The following RFX2 variants were observed in gnomAD, a reference collection of about 807,000 sequenced individuals.
RFX2 encodes the protein DNA-binding protein RFX2.
Under a neutral mutation model 87.8 loss-of-function variants are expected in RFX2, and 20 were observed. The observed-to-expected ratio is 0.23, with a 90% CI of 0.16 to 0.33. The LOEUF (loss-of-function observed/expected upper bound fraction) is 0.33, where lower values mean the gene tolerates loss of function less well. Ranked by LOEUF, RFX2 falls within the 10% of genes least tolerant of loss-of-function variation. The pLI is 1.00. For missense variants in RFX2, 767 were observed against 1,012.3 expected, an observed-to-expected ratio of 0.76 and a Z score of 3.29; for synonymous variants, 397 against 431.3, an observed-to-expected ratio of 0.92 and a Z score of 0.98.
In RFX2 at chr19:6,023,640, A is replaced by G. The variant is rs2086849504; in HGVS notation, c.597+2523T>C. Among the ~76,000 whole-genome samples, 2 of 152,208 alleles carry G rather than the reference A, an allele frequency of 1.3e-5. No homozygotes were observed. The highest frequency in any genetic ancestry group is 4.1e-4 in the South Asian group (2 of 4,834). On this transcript the variant is annotated intron_variant, in intron 6 of 17. Coordinates refer to ENST00000303657, the MANE Select transcript of RFX2 (RefSeq NM_000635.4). This position sits in a 1 kb window ranked among gnomAD's most constrained non-coding sequence, Gnocchi z 4.9. ...ATCATCAGTGAGTAAAAGAAACGAG[A>G]GATTTTACCTTCAGCTCGGGAATAC...
At chr19:6,096,622 A>G (rs1245192389) in intron 1 of RFX2, among the ~76,000 whole-genome samples, 1 of 151,918 alleles carries the variant, frequency 6.6e-6, no homozygotes, top group Admixed American at 6.6e-5. Context: ...AATTTTTTAT[A>G]TTTTTAGTAG....
rs2086606886 is a variant in RFX2 at position 6,008,000 on chromosome 19, G to A, written c.1134+106C>T. 4 of 884,812 alleles carry A rather than the reference G, an allele frequency of 4.5e-6. No homozygotes were observed. The highest frequency in any genetic ancestry group is 4.0e-5 in the Admixed American group (2 of 49,678). 54.8% of individuals were successfully genotyped at this position (884,812 alleles called of 1,614,324 possible). The stretch of plus-strand genomic sequence containing the variant: ...CTTCAGAGAGGATGCTTGTTGGGGG[G>A]CTCGGGGCTCCAGCTCCTCAGCGTC... On this transcript the variant is annotated intron_variant, in intron 10 of 17. Transcript: ENST00000303657. This position sits in a 1 kb window ranked among gnomAD's most constrained non-coding sequence, Gnocchi z 8.2.
At chr19:6,069,760 A>G (rs1397147913) in intron 1 of RFX2, among the ~76,000 whole-genome samples, 1 of 152,212 alleles carries the variant, frequency 6.6e-6, no homozygotes, top group East Asian at 1.9e-4. Flanking sequence ...CAGAGGTTGG[A>G]GCAGGTTCAA....
chr19:6,069,591 G>A (rs1381181442), intron 1 of RFX2, among the ~76,000 whole-genome samples: 1 of 152,224 alleles, frequency 6.6e-6, no homozygotes, highest in Admixed American at 6.5e-5. Flanking sequence ...AGATCCCAAA[G>A]AAGCAGGAGC....
rs1254850934 is a variant in RFX2 at position 6,083,831 on chromosome 19, T to C, written c.-9+26562A>G. Among the ~76,000 whole-genome samples, 1 of 152,180 alleles carries C rather than the reference T, an allele frequency of 6.6e-6. No individual in the cohort carries two copies. The highest frequency in any genetic ancestry group is 1.5e-5 in the Non-Finnish European group (1 of 68,036). ...CCTTTGGGGGAACATGTCTTACTCATAATTATAGGCAGCGGAAAATGCCTG... is the reference window on the plus strand; with the variant it reads ...CCTTTGGGGGAACATGTCTTACTCACAATTATAGGCAGCGGAAAATGCCTG... On this transcript the variant is annotated intron_variant, in intron 1 of 17. Coordinates refer to ENST00000303657, the MANE Select transcript of RFX2 (RefSeq NM_000635.4). The surrounding 1 kb of genome is among the most constrained non-coding windows in gnomAD (Gnocchi z 4.6).
intron 1 of RFX2, among the ~76,000 whole-genome samples, chr19:6,076,023 C>A (rs991852943): frequency 6.6e-6 from 1 of 152,144 alleles, no homozygotes; most frequent in Admixed American, 6.5e-5. Context: ...ACTTGGCTTT[C>A]GGAGCTTGGT....
chr19:6,031,198 G>C (rs1315467168), intron 5 of RFX2, among the ~76,000 whole-genome samples: 1 of 151,982 alleles, frequency 6.6e-6, no homozygotes, highest in Admixed American at 6.6e-5. Context: ...AGCAGAAATG[G>C]AGTTTTAGGA....
intron 16 of RFX2, 116 bp downstream of exon 16, chr19:5,996,944 C>T (rs1158940652): frequency 1.1e-5 from 12 of 1,088,328 alleles, no homozygotes; most frequent in South Asian, 4.9e-5. Context: ...CAGCTCTGTC[C>T]GGGCGGCAGA....
intron 1 of RFX2, among the ~76,000 whole-genome samples, chr19:6,105,118 CA>C (rs1261973557): frequency 0.12 from 7,402 of 62,236 alleles, 531 homozygotes; most frequent in African/African-American, 0.31. Flanking sequence ...CTCCGTCTCA[CA>C]AAAAAAAAAA....
rs2144868393 is a variant in RFX2, at chr19:6,085,169, A to G, written c.-9+25224T>C. On this transcript the variant is annotated intron_variant, in intron 1 of 17. Transcript: ENST00000303657. Reference sequence around the variant, plus strand: ...ATGCTGCTATGAACATGAGTGTACAAATCCCTGTCTGAGTGTACAAATACT... The same window carrying G: ...ATGCTGCTATGAACATGAGTGTACAGATCCCTGTCTGAGTGTACAAATACT... Among the ~76,000 whole-genome samples, 2 of 152,090 alleles carry G rather than the reference A, an allele frequency of 1.3e-5. 1 individual carries two copies. The highest frequency in any genetic ancestry group is 4.1e-4 in the South Asian group (2 of 4,828).
intron 1 of RFX2, among the ~76,000 whole-genome samples, chr19:6,049,602 T>C (rs1735765877): frequency 1.3e-5 from 2 of 152,312 alleles, no homozygotes; most frequent in South Asian, 4.1e-4. Context: ...TGCAATGGCA[T>C]GATCTTGGCT....
At chr19:6,051,585 G>T (rs577040155) in intron 1 of RFX2, among the ~76,000 whole-genome samples, 1 of 152,192 alleles carries the variant, frequency 6.6e-6, no homozygotes, top group South Asian at 2.1e-4. Context: ...TAACATATTT[G>T]ATTATCTAAA....
In RFX2 at chr19:6,006,890, C is replaced by A; in HGVS notation, c.1402+122G>T. ...CACTGGCATGAGCCACCGCGCCCGG[C>A]CACTTTTGGGTTTTCTGTGAAAGCG... On this transcript the variant is annotated intron_variant, in intron 12 of 17. Transcript: ENST00000303657. The A allele has an allele frequency of 2.5e-6, 3 of 1,177,188 alleles. No homozygotes were observed. The South Asian group carries it at 4.3e-5, about 17-fold the overall frequency. 72.9% of individuals were successfully genotyped at this position (1,177,188 alleles called of 1,614,324 possible).
At position 6,040,178 on chromosome 19, in the gene RFX2, G is replaced by A; in HGVS notation, c.324C>T (p.Tyr108=). Reference sequence around the variant, plus strand: ...CCTGGGCACCGCCTGGGGCCTCGAAGTAAGAAGCCGTGCTGCTGGGGGCGT... The same window carrying A: ...CCTGGGCACCGCCTGGGGCCTCGAAATAAGAAGCCGTGCTGCTGGGGGCGT... ...QMYAPSSTAS[Y]FEAPGGAQVT... Residue 108 remains tyrosine, a synonymous_variant, in exon 5 of 18, where the codon TAC becomes TAT. Transcript: ENST00000303657. The surrounding 1 kb of genome is among the most constrained non-coding windows in gnomAD (Gnocchi z 6.1). The A allele has an allele frequency of 6.3e-7, 1 of 1,598,006 alleles. No homozygotes were observed. The highest frequency in any genetic ancestry group is 8.6e-7 in the Non-Finnish European group (1 of 1,167,736).
Position 6,024,881 on chromosome 19 carries a change from C to T in RFX2, c.597+1282G>A, listed in dbSNP as rs923177878. Among the ~76,000 whole-genome samples, 7 of 134,906 alleles carry T rather than the reference C, an allele frequency of 5.2e-5. No individual in the cohort carries two copies. Among genetic ancestry groups the T allele is most frequent in the East Asian group, 4.5e-4 (2 of 4,398 alleles). The allele number at this position is 134,906 out of a possible 152,430, so 88.5% of individuals were successfully genotyped here. ...ATCACGGTGAGGACGGGAGTGAGGA[C>T]GGGATCACGGTGAGGACGGGAGTCA... On this transcript the variant is annotated intron_variant, in intron 6 of 17. Coordinates refer to ENST00000303657, the MANE Select transcript of RFX2 (RefSeq NM_000635.4). This position sits in a 1 kb window ranked among gnomAD's most constrained non-coding sequence, Gnocchi z 5.0.
chr19:6,010,545 C>G lies in RFX2; in HGVS notation c.900-294G>C, dbSNP rs2086647577. ...AACGCTCACTCCCCATCCCTGTCCCCAGCCCCTGGCACCCCTGATCTGACT... is the reference window on the plus strand; with the variant it reads ...AACGCTCACTCCCCATCCCTGTCCCGAGCCCCTGGCACCCCTGATCTGACT... On this transcript the variant is annotated intron_variant, in intron 8 of 17. Coordinates refer to ENST00000303657, the MANE Select transcript of RFX2 (RefSeq NM_000635.4). This position sits in a 1 kb window ranked among gnomAD's most constrained non-coding sequence, Gnocchi z 5.0. Among the ~76,000 whole-genome samples, 3 of 152,194 alleles carry G rather than the reference C, an allele frequency of 2.0e-5. No individual in the cohort carries two copies. In the South Asian group the frequency reaches 6.2e-4, roughly 32 times the overall value.
In RFX2 at chr19:6,007,818, C is replaced by G. The variant is rs764678900; in HGVS notation, c.1135-16G>C. 3.3e-6 allele frequency: 5 copies of G among 1,499,782 alleles called. No homozygotes were observed. Among genetic ancestry groups the G allele is most frequent in the Non-Finnish European group, 4.5e-6 (5 of 1,099,574 alleles). The allele number at this position is 1,499,782 out of a possible 1,614,324, so 92.9% of individuals were successfully genotyped here. On this transcript the variant is annotated splice_polypyrimidine_tract_variant and intron_variant, in intron 10 of 17. Coordinates refer to ENST00000303657, the MANE Select transcript of RFX2 (RefSeq NM_000635.4). This position sits in a 1 kb window ranked among gnomAD's most constrained non-coding sequence, Gnocchi z 8.2. ...CTACAGTTGCCTAGGAATGAAGGGA[C>G]CGGTGAGACAGACGGGTGCGTGCGC...
intron 1 of RFX2, among the ~76,000 whole-genome samples, chr19:6,100,561 A>C (rs914484192): frequency 6.6e-6 from 1 of 152,122 alleles, no homozygotes; most frequent in African/African-American, 2.4e-5. Context: ...AAGAAGGACC[A>C]AGACTCCAGA....
At chr19:6,091,016 C>T (rs1479267519) in intron 1 of RFX2, among the ~76,000 whole-genome samples, 4 of 152,160 alleles carry the variant, frequency 2.6e-5, no homozygotes, top group African/African-American at 7.2e-5. Flanking sequence ...CCCACATAGA[C>T]AAGAAGCAGA....
Sources: allele counts gnomAD v4.1 joint callset (sites outside exome capture counted in the v4.1 genomes callset), GRCh38; gene constraint gnomAD v4.1.1; non-coding constraint Gnocchi (gnomAD v3.1); transcripts MANE v1.5; gene names NCBI Gene and HGNC (gene_info 2026-07-23, HGNC 2026-07-21).